SMAD7: variants seen among roughly 807,000 people sequenced by gnomAD.
SMAD7 encodes the protein SMAD family member 7.
A neutral mutation model predicts 38.7 loss-of-function variants in SMAD7; 8 were observed. That is an observed-to-expected ratio of 0.21 (90% CI 0.12 to 0.37). SMAD7 has a LOEUF of 0.37. SMAD7 is among the 10% of genes least tolerant of loss of function. The pLI is 1.00. For missense variants in SMAD7, 477 were observed against 577.9 expected, an observed-to-expected ratio of 0.83 and a Z score of 1.79; for synonymous variants, 327 against 265.1, an observed-to-expected ratio of 1.23 and a Z score of -2.27.
In SMAD7 at chr18:48,921,874, T is replaced by C; in HGVS notation, c.779A>G (p.His260Arg). 1.2e-6 allele frequency: 2 copies of C among 1,611,168 alleles called. No homozygotes were observed. Among genetic ancestry groups the C allele is most frequent in the Non-Finnish European group, 1.7e-6 (2 of 1,179,536 alleles). ...CTCCCAGTATGCCACCACGCACCAG[T>C]GTGACCGATCCCCAGGCTCCAGAAG... ...QLLLEPGDRS[H>R]WCVVAYWEEK... is the part of the protein sequence containing the mutation. The change falls in exon 4 of 4, where the codon CAC becomes CGC. Residue 260 changes from histidine (H) to arginine (R), a missense_variant. By Grantham distance (29) the His-to-Arg change is conservative (BLOSUM62 0). Coordinates refer to ENST00000262158, the MANE Select transcript of SMAD7 (RefSeq NM_005904.4). The surrounding 1 kb of genome is among the most constrained non-coding windows in gnomAD (Gnocchi z 6.4).
chr18:48,941,754 TTCTC>T (rs1295216134), intron 3 of SMAD7, among the ~76,000 whole-genome samples: 1 of 152,158 alleles, frequency 6.6e-6, no homozygotes, highest in Non-Finnish European at 1.5e-5. Flanking sequence ...ACCAGTGAGT[TTCTC>T]TAAGTACTGC....
At chr18:48,937,338 T>C (rs1345055585) in intron 3 of SMAD7, among the ~76,000 whole-genome samples, 1 of 148,230 alleles carries the variant, frequency 6.7e-6, no homozygotes, top group Non-Finnish European at 1.5e-5. Context: ...CATGCTACAG[T>C]GTCACCAAAA....
Position 48,950,346 on chromosome 18 carries a change from C to G in SMAD7, c.79G>C (p.Gly27Arg). The G allele has an allele frequency of 1.3e-6, 2 of 1,542,348 alleles. No homozygotes were observed. The highest frequency in any genetic ancestry group is 1.7e-6 in the Non-Finnish European group (2 of 1,143,634). ...CCTCCTCCTCCACCTCCCCCTGCGCCCTCCTCCTCGTCCTCGCCGCCGGGC... is the reference window on the plus strand; with the variant it reads ...CCTCCTCCTCCACCTCCCCCTGCGCGCTCCTCCTCGTCCTCGCCGCCGGGC... The part of the protein sequence containing the change: ...RAPGGEDEEE[G>R]AGGGGGGGEL... Residue 27 changes from glycine (G) to arginine (R), a missense_variant, in exon 1 of 4, where the codon GGC (glycine) becomes CGC (arginine). Gly to Arg is a moderately radical substitution (Grantham distance 125). Around this residue, in one of 2 missense-constraint regions of SMAD7, gnomAD observed 376 missense variants for 379.4 expected, o/e 0.99. Transcript: ENST00000262158.
At chr18:48,937,402 G>T (rs1286768560) in intron 3 of SMAD7, among the ~76,000 whole-genome samples, 1 of 151,988 alleles carries the variant, frequency 6.6e-6, no homozygotes, top group Admixed American at 6.6e-5. Flanking sequence ...TGCTGGCCCA[G>T]TTCAGCCTGG....
Position 48,921,505 on chromosome 18 carries a change from T to A in SMAD7, c.1148A>T (p.His383Leu). The A allele has an allele frequency of 6.2e-7, 1 of 1,614,224 alleles. No individual in the cohort carries two copies. The highest frequency in any genetic ancestry group is 8.5e-7 in the Non-Finnish European group (1 of 1,180,034). The change falls in exon 4 of 4, where the codon CAC becomes CTC. Residue 383 changes from histidine (H) to leucine (L), a missense_variant. Around this residue, in one of 2 missense-constraint regions of SMAD7, gnomAD observed 101 missense variants for 198.5 expected, o/e 0.51. Coordinates refer to ENST00000262158, the MANE Select transcript of SMAD7 (RefSeq NM_005904.4). The surrounding 1 kb of genome is among the most constrained non-coding windows in gnomAD (Gnocchi z 6.4). ...CGTCCACGGCTGCTGCATAAACTCG[T>A]GGTCATTGGGCCGCTGCAGGCTGTA... ...KAYSLQRPNDHEFMQQPWTGF... is the reference protein window; with the variant it reads ...KAYSLQRPNDLEFMQQPWTGF...
chr18:48,946,771 AT>A (rs1249454488), intron 2 of SMAD7, among the ~76,000 whole-genome samples: 5 of 152,218 alleles, frequency 3.3e-5, no homozygotes, highest in African/African-American at 1.2e-4. Flanking sequence ...CTCACCGAAA[AT>A]GAGGCCCTGG....
At chr18:48,926,734 C>T (rs111386300) in intron 3 of SMAD7, among the ~76,000 whole-genome samples, 2,043 of 152,320 alleles carry the variant, frequency 0.013, 47 homozygotes, top group African/African-American at 0.045. Context: ...GTCCTCCCTC[C>T]TCAGGACCCA....
intron 3 of SMAD7, among the ~76,000 whole-genome samples, chr18:48,934,442 G>A (rs1336135287): frequency 8.3e-6 from 1 of 120,162 alleles, no homozygotes; most frequent in Non-Finnish European, 1.6e-5. Flanking sequence ...AAATTCTTAC[G>A]TACCCCCCAT....
intron 3 of SMAD7, among the ~76,000 whole-genome samples, chr18:48,937,294 G>A (rs143279695): frequency 0.02 from 2,952 of 151,128 alleles, 99 homozygotes; most frequent in African/African-American, 0.068. Flanking sequence ...GTGTGTGTGT[G>A]TGTGTGTGTG....
In SMAD7 at chr18:48,949,846, G is replaced by A; in HGVS notation, c.579C>T (p.Cys193=). The part of the protein sequence containing the change: ...YGKINPELVC[C]NPHHLSRLCE... ...AGAGTCGGCTAAGGTGATGGGGGTT[G>A]CAGCACACCAGCTCGGGGTTGATCT... The change falls in exon 1 of 4, where the codon TGC becomes TGT. Residue 193 remains cysteine (C), a synonymous_variant. Coordinates refer to ENST00000262158, the MANE Select transcript of SMAD7 (RefSeq NM_005904.4). The A allele has an allele frequency of 1.9e-6, 3 of 1,612,494 alleles. No individual in the cohort carries two copies. The highest frequency in any genetic ancestry group is 1.3e-5 in the African/African-American group (1 of 75,004).
intron 2 of SMAD7, among the ~76,000 whole-genome samples, chr18:48,946,426 G>C (rs2070195589): frequency 6.7e-6 from 1 of 149,874 alleles, no homozygotes; most frequent in South Asian, 2.1e-4. Flanking sequence ...ACCTGTGAGG[G>C]GGGCGGGGGG....
Position 48,950,490 on chromosome 18 carries a change from C to A in SMAD7, c.-66G>T. On this transcript the variant is annotated 5_prime_UTR_variant, in exon 1 of 4. It removes an upstream start codon present in the reference 5' UTR. Transcript: ENST00000262158. The stretch of plus-strand genomic sequence containing the variant: ...AGGAGCGAACATGACCTCCGCACAC[C>A]ATGAAGAAGTCGGGCGCCGAGTTGG... 7.0e-7 allele frequency: 1 copy of A among 1,434,778 alleles called. No individual in the cohort carries two copies. The allele number at this position is 1,434,778 out of a possible 1,614,324, so 88.9% of individuals were successfully genotyped here.
chr18:48,932,140 G>C (rs551705432), intron 3 of SMAD7, among the ~76,000 whole-genome samples: 1 of 152,320 alleles, frequency 6.6e-6, no homozygotes, highest in Admixed American at 6.5e-5. Flanking sequence ...CTGGCTCAGA[G>C]GCTGCAGTGA....
At chr18:48,923,206 G>T (rs537182486) in intron 3 of SMAD7, among the ~76,000 whole-genome samples, 10 of 152,350 alleles carry the variant, frequency 6.6e-5, no homozygotes, top group African/African-American at 2.4e-4. Flanking sequence ...GCTCCCTGCA[G>T]CCCCAGCTCC....
intron 3 of SMAD7, among the ~76,000 whole-genome samples, chr18:48,930,523 G>T (rs995120544): frequency 1.3e-5 from 2 of 152,152 alleles, no homozygotes; most frequent in African/African-American, 4.8e-5. Context: ...GAGCCTCCAG[G>T]CCTCCCATAA....
intron 3 of SMAD7, among the ~76,000 whole-genome samples, chr18:48,941,929 C>T (rs901818012): frequency 2.0e-5 from 3 of 152,136 alleles, no homozygotes; most frequent in Admixed American, 6.6e-5. Flanking sequence ...CTACTGTTGG[C>T]AGTGCTCCCA....
intron 1 of SMAD7, 39 bp from the exon 2 acceptor site, chr18:48,948,476 AT>A (rs761902459): frequency 3.0e-4 from 421 of 1,404,546 alleles, no homozygotes; most frequent in Non-Finnish European, 4.1e-4. Context: ...AGGCCCAGCC[AT>A]GAGAAGAGAG....
At chr18:48,936,088 ACACACACACACACACACACACACACACAC>A (rs1282413528) in intron 3 of SMAD7, among the ~76,000 whole-genome samples, 5 of 29,100 alleles carry the variant, frequency 1.7e-4, no homozygotes, top group African/African-American at 7.7e-4. Context: ...ACACACACAC[ACACACACACACACACACACACACACACAC>A]CACACACACA....
chr18:48,932,010 A>T (rs1442857033), intron 3 of SMAD7, among the ~76,000 whole-genome samples: 1 of 152,062 alleles, frequency 6.6e-6, no homozygotes, highest in African/African-American at 2.4e-5. Flanking sequence ...TTGTGCCCCC[A>T]CTGAGCAGGA....
Sources: allele counts gnomAD v4.1 joint callset (sites outside exome capture counted in the v4.1 genomes callset), GRCh38; gene constraint gnomAD v4.1.1; regional missense constraint gnomAD v4.1.1; non-coding constraint Gnocchi (gnomAD v3.1); transcripts MANE v1.5; gene names NCBI Gene and HGNC (gene_info 2026-07-23, HGNC 2026-07-21).